The following MAGI1 variants were observed in gnomAD, a reference collection of about 807,000 sequenced individuals.
MAGI1 encodes the protein membrane-associated guanylate kinase, WW and PDZ domain-containing protein 1.
Under a neutral mutation model 139.9 loss-of-function variants are expected in MAGI1, and 58 were observed. That is an observed-to-expected ratio of 0.41 (90% CI 0.34 to 0.52). The LOEUF (loss-of-function observed/expected upper bound fraction) is 0.52, where lower values mean the gene tolerates loss of function less well. MAGI1 is among the 20% of genes least tolerant of loss of function. The probability of loss-of-function intolerance (pLI) is 0.12; values close to 1 mark genes in which losing one functional copy is unlikely to be tolerated. For missense variants in MAGI1, 1,874 were observed against 1,901.6 expected, an observed-to-expected ratio of 0.99 and a Z score of 0.27; for synonymous variants, 812 against 737.9, an observed-to-expected ratio of 1.10 and a Z score of -1.63.
intron 1 of MAGI1, among the ~76,000 whole-genome samples, chr3:65,737,171 T>G (rs913209679): frequency 6.6e-6 from 1 of 152,018 alleles, no homozygotes; most frequent in African/African-American, 2.4e-5. Flanking sequence ...GCCTGGCTAA[T>G]TTTTTGTATT....
At chr3:65,459,435 C>T (rs576845233) in intron 5 of MAGI1, among the ~76,000 whole-genome samples, 2 of 152,116 alleles carry the variant, frequency 1.3e-5, no homozygotes, top group Non-Finnish European at 1.5e-5. Context: ...TCCATGAACA[C>T]GGAATACAAC....
chr3:65,876,178 TGGGTACA>T (rs2060109475), intron 1 of MAGI1, among the ~76,000 whole-genome samples: 1 of 151,330 alleles, frequency 6.6e-6, no homozygotes, highest in African/African-American at 2.4e-5. Context: ...GCAATACAGC[TGGGTACA>T]GTGGCACATG....
intron 1 of MAGI1, among the ~76,000 whole-genome samples, chr3:65,834,543 A>T (rs1196341439): frequency 6.6e-6 from 1 of 152,200 alleles, no homozygotes; most frequent in Non-Finnish European, 1.5e-5. Flanking sequence ...TGAAAATAAT[A>T]TCTATTCTAC....
chr3:65,767,633 G>A (rs373223043), intron 1 of MAGI1, among the ~76,000 whole-genome samples: 7 of 152,226 alleles, frequency 4.6e-5, no homozygotes, highest in African/African-American at 1.2e-4. Flanking sequence ...TGAAATTTAC[G>A]TTAGGAGGCC....
chr3:65,364,808 A>G (rs1941254229), intron 19 of MAGI1, 45 bp downstream of exon 19: 1 of 1,607,810 alleles, frequency 6.2e-7, no homozygotes, highest in African/African-American at 1.3e-5. Context: ...TCATGCTGGG[A>G]GTTACTTTTT....
At chr3:65,691,268 A>C (rs1443848671) in intron 1 of MAGI1, among the ~76,000 whole-genome samples, 1 of 147,176 alleles carries the variant, frequency 6.8e-6, no homozygotes, top group Non-Finnish European at 1.5e-5. Context: ...GCGTCACTGC[A>C]CTCCAGCCTG....
intron 1 of MAGI1, among the ~76,000 whole-genome samples, chr3:65,691,378 C>A (rs67821039): frequency 1.3e-5 from 2 of 151,394 alleles, no homozygotes; most frequent in Non-Finnish European, 2.9e-5. Context: ...CATACCACAG[C>A]CCCCTCTTGG....
intron 2 of MAGI1, chr3:65,499,141 G>C (rs1391226958): frequency 3.6e-6 from 2 of 560,472 alleles, no homozygotes; most frequent in Non-Finnish European, 4.5e-6. Flanking sequence ...AAATTCCATT[G>C]ATTCCTATTG....
chr3:65,474,565 T>C (rs1575906435), intron 4 of MAGI1, among the ~76,000 whole-genome samples: 1 of 152,136 alleles, frequency 6.6e-6, no homozygotes, highest in East Asian at 1.9e-4. Context: ...GAAACGAACA[T>C]GAATGACATT....
At chr3:65,472,414 A>G (rs1950607615) in intron 4 of MAGI1, among the ~76,000 whole-genome samples, 2 of 152,212 alleles carry the variant, frequency 1.3e-5, no homozygotes, top group South Asian at 2.1e-4. Flanking sequence ...CTTTTTAAGT[A>G]CCCAGGTGAT....
rs1170215972 is a variant in MAGI1, at chr3:65,548,511, C to CTTTTT, written c.431-54885_431-54881dup. On this transcript the variant is annotated intron_variant, in intron 2 of 22. Coordinates refer to ENST00000402939, the MANE Select transcript of MAGI1 (RefSeq NM_001033057.2). ...AGCCCAGCTTTATGCAAACAACACTCTTTTTTTTTTTTTTTTTTTTTTTTT... is the reference window on the plus strand; with the variant it reads ...AGCCCAGCTTTATGCAAACAACACTCTTTTTTTTTTTTTTTTTTTTTTTTTTTTTT... Among the ~76,000 whole-genome samples, 146 of 87,378 alleles carry CTTTTT rather than the reference C, an allele frequency of 1.7e-3. 15 individuals carry two copies. Among genetic ancestry groups the CTTTTT allele is most frequent in the African/African-American group, 4.3e-3 (91 of 21,302 alleles). 57.3% of individuals were successfully genotyped at this position (87,378 alleles called of 152,430 possible). A position where few individuals can be genotyped will look rare whatever the true frequency, so the allele number is the denominator to read the frequency against.
rs76297840 is a variant in MAGI1 at position 65,516,103 on chromosome 3, G to T, written c.431-22472C>A. On this transcript the variant is annotated intron_variant, in intron 2 of 22. Transcript: ENST00000402939. ...ACTGATAGTCCCAGCTACTCAAGAG[G>T]CTGAGGGTGAGAGAATTGCCTGAGC... 2.3e-3 allele frequency among the ~76,000 whole-genome samples: 346 copies of T among 152,264 alleles called. 14 individuals are homozygous for T. The East Asian group carries it at 0.059, about 26-fold the overall frequency.
At chr3:65,882,116 T>C (rs1197566110) in intron 1 of MAGI1, among the ~76,000 whole-genome samples, 3 of 152,244 alleles carry the variant, frequency 2.0e-5, no homozygotes, top group East Asian at 1.9e-4. Context: ...TGTAAATTCA[T>C]AAGCAGTCAT....
intron 10 of MAGI1, among the ~76,000 whole-genome samples, 197 bp from the exon 11 acceptor site, chr3:65,431,078 A>G (rs1002226772): frequency 3.9e-5 from 6 of 152,006 alleles, no homozygotes; most frequent in Non-Finnish European, 5.9e-5. Flanking sequence ...AGGGAGGTAA[A>G]GCATTGAGTA....
chr3:65,503,845 AAAG>A (rs1234959424), intron 2 of MAGI1, among the ~76,000 whole-genome samples: 1 of 152,302 alleles, frequency 6.6e-6, no homozygotes, highest in East Asian at 1.9e-4. Context: ...GGATGAAGGA[AAAG>A]AAGAAGTTTT....
At chr3:65,997,495 A>G (rs1475594712) in intron 1 of MAGI1, among the ~76,000 whole-genome samples, 7 of 151,970 alleles carry the variant, frequency 4.6e-5, no homozygotes. Context: ...TCTCTACTAA[A>G]TATACAAAAA....
At chr3:65,736,778 G>A (rs1399605396) in intron 1 of MAGI1, among the ~76,000 whole-genome samples, 1 of 152,166 alleles carries the variant, frequency 6.6e-6, no homozygotes, top group Non-Finnish European at 1.5e-5. Flanking sequence ...TCTTTACTCA[G>A]TTTATTGATT....
In MAGI1 at chr3:65,391,266, T is replaced by G; in HGVS notation, c.2292A>C (p.Thr764=). Residue 764 remains threonine, a synonymous_variant, in exon 14 of 23, where the codon ACA becomes ACC. Transcript: ENST00000402939. Reference sequence around the variant, plus strand: ...CAGGTGGGAACTCGGGGAGCACCTGTGTGCTGTGGCTTGGGGATGCTGTGT... The same window carrying G: ...CAGGTGGGAACTCGGGGAGCACCTGGGTGCTGTGGCTTGGGGATGCTGTGT... ...SLHTASPSHS[T]QVLPEFPPAE... The G allele has an allele frequency of 6.2e-7, 1 of 1,614,182 alleles. No individual in the cohort carries two copies. Among genetic ancestry groups the G allele is most frequent in the Non-Finnish European group, 8.5e-7 (1 of 1,180,044 alleles).
At chr3:65,496,754 T>C (rs1022698478) in intron 2 of MAGI1, among the ~76,000 whole-genome samples, 4 of 152,200 alleles carry the variant, frequency 2.6e-5, no homozygotes, top group African/African-American at 9.6e-5. Flanking sequence ...CAAACCACCA[T>C]GGCACATGTT....
Sources: gnomAD v4.1 joint callset for allele counts (sites outside exome capture counted in the v4.1 genomes callset) on GRCh38, gnomAD v4.1.1 for gene constraint, MANE v1.5 for transcripts, NCBI Gene and HGNC (gene_info 2026-07-23, HGNC 2026-07-21) for gene names.